The following GALNT1 variants were observed in gnomAD, a reference collection of about 807,000 sequenced individuals.
The protein encoded by GALNT1 is GalNAc transferase 1.
A neutral mutation model predicts 65.7 loss-of-function variants in GALNT1; 17 were observed. The observed-to-expected ratio is 0.26, with a 90% CI of 0.18 to 0.39. GALNT1 has a LOEUF of 0.39. Ranked by LOEUF, GALNT1 falls within the 10% of genes least tolerant of loss-of-function variation. GALNT1 has a pLI of 1.00. For synonymous variants in GALNT1, 210 were observed against 219.7 expected (o/e 0.96, Z 0.39); for missense variants, 460 against 672.8 (o/e 0.68, Z 3.50).
rs751823285 is a variant in GALNT1, at chr18:35,673,295, T to C, written c.315-4296T>C. ...CCTTGATGTGGAAATTTCTTGAAAA[T>C]TCTTTTCTTGGCTCTTCTTTCATAC... is the stretch of plus-strand genomic sequence containing the variant. On this transcript the variant is annotated intron_variant, in intron 3 of 11. Transcript: ENST00000269195. Among the ~76,000 whole-genome samples, 128 of 152,350 alleles carry C rather than the reference T, an allele frequency of 8.4e-4. No individual in the cohort carries two copies. The Middle Eastern group carries it at 0.014, about 16-fold the overall frequency.
intron 1 of GALNT1, among the ~76,000 whole-genome samples, chr18:35,625,389 G>A (rs1325281524): frequency 6.6e-6 from 1 of 152,156 alleles, no homozygotes; most frequent in East Asian, 1.9e-4. Context: ...GACCCTGAGA[G>A]CCAAGAGAAG....
rs1232551096 is a variant in GALNT1, at chr18:35,607,589, G to C, written c.-104+25727G>C. ...TGGACTTATACAGCTCATGTATGAG[G>C]CTGGGGGCTGGTATGGTGGCTCCAT... On this transcript the variant is annotated intron_variant, in intron 1 of 11. Coordinates refer to ENST00000269195, the MANE Select transcript of GALNT1 (RefSeq NM_020474.4). Among the ~76,000 whole-genome samples, 2 of 152,154 alleles carry C rather than the reference G, an allele frequency of 1.3e-5. 1 individual carries two copies. The highest frequency in any genetic ancestry group is 3.9e-4 in the East Asian group (2 of 5,192).
upstream of GALNT1, chr18:35,581,681 G>C (rs1161018692): frequency 7.6e-4 from 1 of 1,310 alleles, no homozygotes; most frequent in African/African-American, 3.3e-3. Flanking sequence ...GGAGGCGGGG[G>C]CGGGCGCGGC....
chr18:35,687,399 A>G (rs1568032721), intron 6 of GALNT1, among the ~76,000 whole-genome samples: 3 of 152,232 alleles, frequency 2.0e-5, no homozygotes, highest in Admixed American at 1.3e-4. Flanking sequence ...CTATAAATCT[A>G]GTGCACATGA....
intron 1 of GALNT1, among the ~76,000 whole-genome samples, chr18:35,630,058 C>A (rs1007923479): frequency 3.9e-5 from 6 of 152,132 alleles, no homozygotes; most frequent in Non-Finnish European, 8.8e-5. Flanking sequence ...TAAAGCAAGT[C>A]CTTAGAGACC....
intron 1 of GALNT1, among the ~76,000 whole-genome samples, chr18:35,625,666 G>A (rs989897043): frequency 2.0e-4 from 30 of 152,144 alleles, no homozygotes; most frequent in Admixed American, 1.6e-3. Context: ...GAGATTTGGG[G>A]GATTCCATGA....
At chr18:35,624,042 A>C (rs1265633851) in intron 1 of GALNT1, among the ~76,000 whole-genome samples, 1 of 152,118 alleles carries the variant, frequency 6.6e-6, no homozygotes, top group Non-Finnish European at 1.5e-5. Flanking sequence ...TGCTGGCTAG[A>C]TTTAAACTCC....
rs77073809 is a variant in GALNT1, at chr18:35,602,941, G to A, written c.-104+21079G>A. On this transcript the variant is annotated intron_variant, in intron 1 of 11. Transcript: ENST00000269195. Reference sequence around the variant, plus strand: ...GTATGTCTATGACTTCACATTAAAGGGTTGGTTTTTTATTCCAGTCTTCTC... The same window carrying A: ...GTATGTCTATGACTTCACATTAAAGAGTTGGTTTTTTATTCCAGTCTTCTC... Among the ~76,000 whole-genome samples the A allele has an allele frequency of 7.8e-3, 1,186 of 152,264 alleles. 12 individuals carry two copies. The highest frequency in any genetic ancestry group is 0.013 in the South Asian group (63 of 4,828).
At chr18:35,628,837 G>A (rs1256043203) in intron 1 of GALNT1, among the ~76,000 whole-genome samples, 1 of 152,128 alleles carries the variant, frequency 6.6e-6, no homozygotes, top group Admixed American at 6.5e-5. Flanking sequence ...TAGACGAATG[G>A]CTAACTAGAA....
At chr18:35,701,338 G>A (rs112784013) in intron 9 of GALNT1, among the ~76,000 whole-genome samples, 2,990 of 152,204 alleles carry the variant, frequency 0.02, 103 homozygotes, top group African/African-American at 0.067. Flanking sequence ...AAAGTGCTCG[G>A]GTTATAGACA....
intron 1 of GALNT1, among the ~76,000 whole-genome samples, chr18:35,647,201 G>A (rs921394195): frequency 1.3e-5 from 2 of 152,132 alleles, no homozygotes; most frequent in African/African-American, 2.4e-5. Flanking sequence ...GTCTTTCTTA[G>A]GGAAGCCTTT....
At chr18:35,702,360 G>T (rs1480256725) in intron 9 of GALNT1, among the ~76,000 whole-genome samples, 3 of 152,134 alleles carry the variant, frequency 2.0e-5, no homozygotes, top group East Asian at 1.9e-4. Flanking sequence ...ATATCAAGGG[G>T]CATTACCTAA....
At chr18:35,581,672 G>A (rs1311887008), upstream of GALNT1, 2 of 32,048 alleles carry the variant, frequency 6.2e-5, no homozygotes, top group Admixed American at 3.2e-4. Flanking sequence ...GCCGGGCGCG[G>A]AGGCGGGGGC....
chr18:35,620,127 C>T (rs2046833414), intron 1 of GALNT1, among the ~76,000 whole-genome samples: 1 of 152,140 alleles, frequency 6.6e-6, no homozygotes, highest in South Asian at 2.1e-4. Flanking sequence ...AGCAAAGACC[C>T]AGCTCCTATC....
At chr18:35,680,889 A>G (rs2144595327) in intron 4 of GALNT1, among the ~76,000 whole-genome samples, 1 of 152,256 alleles carries the variant, frequency 6.6e-6, no homozygotes, top group East Asian at 1.9e-4. Flanking sequence ...ACGAATCCCT[A>G]GTTTATGTCA....
At chr18:35,705,447 A>C (rs886295357) in intron 11 of GALNT1, among the ~76,000 whole-genome samples, 2 of 152,224 alleles carry the variant, frequency 1.3e-5, no homozygotes, top group Non-Finnish European at 2.9e-5. Context: ...CTCCTTTCAC[A>C]ATGTCAGGCT....
intron 9 of GALNT1, among the ~76,000 whole-genome samples, chr18:35,694,813 G>A (rs73418886): frequency 0.011 from 1,719 of 152,202 alleles, 34 homozygotes; most frequent in African/African-American, 0.038. Flanking sequence ...GTGATACAAC[G>A]TACAATGGAA....
At chr18:35,703,693 A>G (rs1377079555) in intron 11 of GALNT1, 50 bp downstream of exon 11, 2 of 1,574,470 alleles carry the variant, frequency 1.3e-6, no homozygotes, top group Non-Finnish European at 1.7e-6. Flanking sequence ...GTCACTGGGT[A>G]TATTTATATA....
At chr18:35,624,744 T>C (rs1034403178) in intron 1 of GALNT1, among the ~76,000 whole-genome samples, 15 of 152,202 alleles carry the variant, frequency 9.9e-5, no homozygotes, top group East Asian at 1.9e-4. Context: ...TCTCAACATA[T>C]TTGCTCTTTA....
Sources: allele counts gnomAD v4.1 joint callset (sites outside exome capture counted in the v4.1 genomes callset), GRCh38; gene constraint gnomAD v4.1.1; transcripts MANE v1.5; gene names NCBI Gene and HGNC (gene_info 2026-07-23, HGNC 2026-07-21).